The following ARL15 variants were observed in gnomAD, a reference collection of about 807,000 sequenced individuals.
ARL15 encodes ARF like GTPase 15.
A neutral mutation model predicts 25.2 loss-of-function variants in ARL15; 19 were observed. That is an observed-to-expected ratio of 0.75 (90% CI 0.53 to 1.10). The LOEUF is 1.10. ARL15 is among the 50% of genes least tolerant of loss of function. The probability of loss-of-function intolerance (pLI) is 0.00; values close to 1 mark genes in which losing one functional copy is unlikely to be tolerated. For synonymous variants in ARL15, 94 were observed against 86.8 expected, an observed-to-expected ratio of 1.08 and a Z score of -0.46; for missense variants, 220 against 246.0, an observed-to-expected ratio of 0.89 and a Z score of 0.71.
chr5:53,991,862 C>A (rs891995617), intron 4 of ARL15, among the ~76,000 whole-genome samples: 2 of 152,102 alleles, frequency 1.3e-5, no homozygotes, highest in African/African-American at 2.4e-5. Flanking sequence ...CAAACAACTA[C>A]TAAGGAGCTG....
chr5:54,310,362 C>T, intron 1 of ARL15, 70 bp downstream of exon 1: 1 of 1,528,426 alleles, frequency 6.5e-7, no homozygotes, highest in Non-Finnish European at 8.9e-7. Flanking sequence ...AAAGGCTGCT[C>T]CTCAAGGCAG....
At chr5:54,275,304 T>C (rs1206344333) in intron 1 of ARL15, among the ~76,000 whole-genome samples, 1 of 152,176 alleles carries the variant, frequency 6.6e-6, no homozygotes, top group Non-Finnish European at 1.5e-5. Flanking sequence ...TTGTCCCCAA[T>C]ATCCATTCTA....
chr5:54,285,910 G>T (rs1327056216), intron 1 of ARL15, among the ~76,000 whole-genome samples: 1 of 152,084 alleles, frequency 6.6e-6, no homozygotes, highest in Admixed American at 6.5e-5. Context: ...GTGCCGCGTG[G>T]GTCGAATCCT....
Position 54,113,395 on chromosome 5 carries a change from C to A in ARL15, c.269G>T (p.Arg90Leu). 6.2e-7 allele frequency: 1 copy of A among 1,613,654 alleles called. No individual in the cohort carries two copies. Residue 90 changes from arginine to leucine, a missense_variant, in exon 4 of 5, where the codon CGG (arginine) becomes CTG (leucine). Physicochemically the swap from Arg to Leu is moderately radical, Grantham distance 102 (BLOSUM62 -2). Coordinates refer to ENST00000504924, the MANE Select transcript of ARL15 (RefSeq NM_019087.3). Reference protein sequence around the residue: ...VKELGGADNIRKYWSRYYQGS... With the variant: ...VKELGGADNILKYWSRYYQGS... Reference sequence around the variant, plus strand: ...TTGGTAGTAGCGGCTCCAGTATTTCCGGATGTTATCAGCCCCTGTCAAAAA... The same window carrying A: ...TTGGTAGTAGCGGCTCCAGTATTTCAGGATGTTATCAGCCCCTGTCAAAAA...
Position 53,981,989 on chromosome 5 carries a change from C to G in ARL15, c.463-95276G>C, listed in dbSNP as rs183717032. On this transcript the variant is annotated intron_variant, in intron 4 of 4. Coordinates refer to ENST00000504924, the MANE Select transcript of ARL15 (RefSeq NM_019087.3). ...TTTTCGTATAGGCAAGAGGAAGCTA[C>G]CTGAGGCTTATGAGTAGGGCAGGTT... Among the ~76,000 whole-genome samples the G allele has an allele frequency of 5.6e-3, 858 of 151,952 alleles. 6 individuals carry two copies. Among genetic ancestry groups the G allele is most frequent in the South Asian group, 0.013 (61 of 4,794 alleles).
At chr5:54,250,064 G>A (rs1234284489) in intron 1 of ARL15, among the ~76,000 whole-genome samples, 4 of 152,156 alleles carry the variant, frequency 2.6e-5, no homozygotes, top group Non-Finnish European at 2.9e-5. Flanking sequence ...GCATGGCACT[G>A]GCATCTGTTT....
At chr5:54,115,900 G>A (rs968918751) in intron 3 of ARL15, among the ~76,000 whole-genome samples, 1 of 152,150 alleles carries the variant, frequency 6.6e-6, no homozygotes, top group Non-Finnish European at 1.5e-5. Flanking sequence ...TCTTAGGTCC[G>A]GTTCCCTAGA....
intron 4 of ARL15, among the ~76,000 whole-genome samples, chr5:53,935,724 CAT>C (rs1481250654): frequency 6.6e-6 from 1 of 152,188 alleles, no homozygotes; most frequent in Non-Finnish European, 1.5e-5. Flanking sequence ...ACCACAGATC[CAT>C]ATAATCTCTG....
At chr5:54,028,087 A>AT (rs1389065294) in intron 4 of ARL15, among the ~76,000 whole-genome samples, 1 of 151,634 alleles carries the variant, frequency 6.6e-6, no homozygotes, top group Non-Finnish European at 1.5e-5. Flanking sequence ...CGCCCGGCTA[A>AT]TTTTTTTGTA....
chr5:54,127,466 G>A (rs2112265219), intron 3 of ARL15, among the ~76,000 whole-genome samples: 1 of 152,006 alleles, frequency 6.6e-6, no homozygotes, highest in East Asian at 1.9e-4. Flanking sequence ...TACAAGGGAT[G>A]TGAAGGACCT....
chr5:53,886,445 A>C lies in ARL15; in HGVS notation c.*116T>G. On this transcript the variant is annotated 3_prime_UTR_variant, in exon 5 of 5. Coordinates refer to ENST00000504924, the MANE Select transcript of ARL15 (RefSeq NM_019087.3). The stretch of plus-strand genomic sequence containing the variant: ...AATAGAGAGATGAGAGTCTGAAATG[A>C]CCAGAGGAAAATAGATACTGAAGCC... 8.8e-7 allele frequency: 1 copy of C among 1,133,728 alleles called. No individual in the cohort carries two copies. The highest frequency in any genetic ancestry group is 1.2e-6 in the Non-Finnish European group (1 of 819,564). The allele number at this position is 1,133,728 out of a possible 1,614,324, so 70.2% of individuals were successfully genotyped here. A position where few individuals can be genotyped will look rare whatever the true frequency, so the allele number is the denominator to read the frequency against.
At chr5:53,930,315 C>T (rs1561154183) in intron 4 of ARL15, among the ~76,000 whole-genome samples, 2 of 152,136 alleles carry the variant, frequency 1.3e-5, no homozygotes, top group African/African-American at 2.4e-5. Context: ...GCTTCTCCTC[C>T]TGTTACTAAA....
chr5:54,065,391 C>T (rs970495117), intron 4 of ARL15, among the ~76,000 whole-genome samples: 4 of 152,158 alleles, frequency 2.6e-5, no homozygotes, highest in East Asian at 3.9e-4. Flanking sequence ...CCTGGCTGGG[C>T]GCAGTGGCTA....
At chr5:54,009,681 C>T (rs764883342) in intron 4 of ARL15, among the ~76,000 whole-genome samples, 6 of 152,192 alleles carry the variant, frequency 3.9e-5, no homozygotes, top group Non-Finnish European at 5.9e-5. Flanking sequence ...ATAATTGCTG[C>T]ACTACTAAAT....
At chr5:53,987,997 C>T (rs1664791) in intron 4 of ARL15, among the ~76,000 whole-genome samples, 1 of 151,768 alleles carries the variant, frequency 6.6e-6, no homozygotes, top group Non-Finnish European at 1.5e-5. Flanking sequence ...CAGCTAATCC[C>T]GAGGCTGAGG....
chr5:54,283,403 T>C (rs1387760822), intron 1 of ARL15, among the ~76,000 whole-genome samples: 1 of 152,250 alleles, frequency 6.6e-6, no homozygotes, highest in African/African-American at 2.4e-5. Flanking sequence ...GACACTCTGT[T>C]GAGTGAAGTA....
rs138779474 is a variant in ARL15, at chr5:53,956,924, G to C, written c.463-70211C>G. Among the ~76,000 whole-genome samples the C allele has an allele frequency of 1.1e-4, 17 of 151,960 alleles. No homozygotes were observed. In the East Asian group the frequency reaches 2.9e-3, roughly 26 times the overall value. ...CAATCTGAGGAGCAGAAAGAAAAAAGGATGAAGAAAAATGATCAGAGCCTA... is the reference window on the plus strand; with the variant it reads ...CAATCTGAGGAGCAGAAAGAAAAAACGATGAAGAAAAATGATCAGAGCCTA... On this transcript the variant is annotated intron_variant, in intron 4 of 4. Coordinates refer to ENST00000504924, the MANE Select transcript of ARL15 (RefSeq NM_019087.3).
chr5:54,169,946 C>T (rs1754670994), intron 2 of ARL15, among the ~76,000 whole-genome samples: 1 of 152,158 alleles, frequency 6.6e-6, no homozygotes, highest in African/African-American at 2.4e-5. Flanking sequence ...GTCTCTAACC[C>T]TTTAACAGCT....
chr5:54,239,231 ATTT>A (rs57640006), intron 1 of ARL15, among the ~76,000 whole-genome samples: 108 of 148,636 alleles, frequency 7.3e-4, no homozygotes, highest in Admixed American at 8.7e-4. Flanking sequence ...TATGAATGCC[ATTT>A]TTTTTTTTTT....
Sources: allele counts gnomAD v4.1 joint callset (sites outside exome capture counted in the v4.1 genomes callset), GRCh38; gene constraint gnomAD v4.1.1; transcripts MANE v1.5; gene names NCBI Gene and HGNC (gene_info 2026-07-23, HGNC 2026-07-21).